Variants in XDH observed in about 807,000 individuals in gnomAD.
XDH encodes the protein xanthine dehydrogenase/oxidase.
A neutral mutation model predicts 156.1 loss-of-function variants in XDH; 138 were observed. The ratio of observed to expected loss-of-function variants is 0.88; its 90% confidence interval spans 0.77 to 1.02. The LOEUF (loss-of-function observed/expected upper bound fraction) is 1.02, where lower values mean the gene tolerates loss of function less well. XDH is among the 50% of genes least tolerant of loss of function. The pLI, the probability that XDH is intolerant of heterozygous loss-of-function variation, is 0.00. For missense variants in XDH, 1,849 were observed against 1,684.9 expected, an observed-to-expected ratio of 1.10 and a Z score of -1.71; for synonymous variants, 669 against 625.7, an observed-to-expected ratio of 1.07 and a Z score of -1.03.
intron 1 of XDH, among the ~76,000 whole-genome samples, chr2:31,409,058 T>C (rs1687273394): frequency 6.6e-6 from 1 of 152,164 alleles, no homozygotes; most frequent in African/African-American, 2.4e-5. Flanking sequence ...AAACTTCACA[T>C]GTTCTCACTG....
In XDH at chr2:31,342,015, G is replaced by A. The variant is rs45486398; in HGVS notation, c.3519+168C>T. Among the ~76,000 whole-genome samples the A allele has an allele frequency of 3.5e-3, 535 of 152,256 alleles. 3 individuals carry two copies. Among genetic ancestry groups the A allele is most frequent in the African/African-American group, 0.013 (520 of 41,558 alleles). ...CTGAGGCAGAGACTGTATGGCCCAC[G>A]AAGTCTAAAACACTTACTCTGTGGC... is the stretch of plus-strand genomic sequence containing the variant. On this transcript the variant is annotated intron_variant, in intron 32 of 35. Transcript: ENST00000379416.
chr2:31,356,771 A>G (rs1370625540), intron 24 of XDH, among the ~76,000 whole-genome samples: 3 of 152,228 alleles, frequency 2.0e-5, no homozygotes, highest in African/African-American at 7.2e-5. Context: ...CAACAGCAAA[A>G]TACACATTCT....
At chr2:31,368,318 T>C (rs1178166421) in intron 19 of XDH, among the ~76,000 whole-genome samples, 1 of 152,044 alleles carries the variant, frequency 6.6e-6, no homozygotes, top group Non-Finnish European at 1.5e-5. Context: ...GAGGTAAAAT[T>C]TTGAGAAGGA....
chr2:31,383,250 G>A (rs1262212583), intron 10 of XDH, 98 bp from the exon 11 acceptor site: 3 of 1,574,406 alleles, frequency 1.9e-6, no homozygotes, highest in East Asian at 2.3e-5. Flanking sequence ...CTGGAGCAAG[G>A]CTGAATCAGG....
chr2:31,350,619 C>T (rs192192172), intron 24 of XDH, among the ~76,000 whole-genome samples: 1 of 152,044 alleles, frequency 6.6e-6, no homozygotes, highest in Non-Finnish European at 1.5e-5. Flanking sequence ...CGTGATCCGC[C>T]CGCCTTGGCC....
intron 19 of XDH, 44 bp from the exon 20 acceptor site, chr2:31,368,101 G>C: frequency 6.4e-7 from 1 of 1,569,198 alleles, no homozygotes; most frequent in Non-Finnish European, 8.8e-7. Context: ...TTTTAGCAGG[G>C]AGGGAAAGAT....
chr2:31,379,443 C>T (rs1374005969), intron 13 of XDH, among the ~76,000 whole-genome samples: 1 of 152,216 alleles, frequency 6.6e-6, no homozygotes, highest in Non-Finnish European at 1.5e-5. Context: ...TCCTCGACAG[C>T]TAGATGTGTT....
At chr2:31,351,154 G>A (rs547373864) in intron 24 of XDH, among the ~76,000 whole-genome samples, 1 of 152,212 alleles carries the variant, frequency 6.6e-6, no homozygotes, top group South Asian at 2.1e-4. Context: ...CAGTATAGTT[G>A]TATTTTGATC....
intron 6 of XDH, among the ~76,000 whole-genome samples, chr2:31,397,035 A>G (rs145103998): frequency 6.6e-6 from 1 of 152,360 alleles, no homozygotes; most frequent in East Asian, 1.9e-4. Context: ...TGAGAAGTCA[A>G]GTAAAACCTG....
At chr2:31,410,691 C>T (rs1255685356) in intron 1 of XDH, among the ~76,000 whole-genome samples, 1 of 152,140 alleles carries the variant, frequency 6.6e-6, no homozygotes, top group Non-Finnish European at 1.5e-5. Context: ...AATGCAGACT[C>T]TGAATCTAAT....
intron 24 of XDH, among the ~76,000 whole-genome samples, chr2:31,363,230 T>G (rs1685824263): frequency 1.3e-5 from 2 of 152,314 alleles, no homozygotes; most frequent in African/African-American, 4.8e-5. Flanking sequence ...GAGAATCGCT[T>G]GAAGCTGGAG....
Position 31,401,405 on chromosome 2 carries a change from G to A in XDH, c.198-77C>T, listed in dbSNP as rs150170329. The A allele has an allele frequency of 9.5e-4, 1,428 of 1,499,228 alleles. 16 individuals carry two copies. In the African/African-American group the frequency reaches 0.018, roughly 19 times the overall value. 92.9% of individuals were successfully genotyped at this position (1,499,228 alleles called of 1,614,324 possible). On this transcript the variant is annotated intron_variant, in intron 3 of 35. Transcript: ENST00000379416. ...AATGGGCCTGACTGTGAGCTCTGGA[G>A]GACTTTGTGAGGCTTTATGTTACGT...
chr2:31,413,829 G>A (rs1004655531), intron 1 of XDH, among the ~76,000 whole-genome samples: 17 of 152,118 alleles, frequency 1.1e-4, no homozygotes, highest in African/African-American at 3.1e-4. Context: ...CAGCAGTGTT[G>A]TAGGAGGGCA....
intron 23 of XDH, among the ~76,000 whole-genome samples, 171 bp downstream of exon 23, chr2:31,365,286 C>T (rs757781565): frequency 6.6e-6 from 1 of 152,212 alleles, no homozygotes; most frequent in Non-Finnish European, 1.5e-5. Flanking sequence ...CTCAGCACTA[C>T]CTTTCTGTGT....
chr2:31,343,423 ATGT>A (rs968455397), intron 31 of XDH, among the ~76,000 whole-genome samples: 9 of 144,566 alleles, frequency 6.2e-5, no homozygotes, highest in African/African-American at 2.3e-4. Flanking sequence ...TGGCATAGAA[ATGT>A]TTTTTTGTGT....
Position 31,337,925 on chromosome 2 carries a change from G to A in XDH, c.3775-108C>T, listed in dbSNP as rs189595216. 5.6e-5 allele frequency: 70 copies of A among 1,250,426 alleles called. No individual in the cohort carries two copies. In the Admixed American group the frequency reaches 1.4e-3, roughly 26 times the overall value. The allele number at this position is 1,250,426 out of a possible 1,614,324, so 77.5% of individuals were successfully genotyped here. On this transcript the variant is annotated intron_variant, in intron 34 of 35. Transcript: ENST00000379416. The stretch of plus-strand genomic sequence containing the variant: ...AGCAAACTCTGCACGAGGAGGGCTG[G>A]TGGCACCAGGAAAGCACTGATGGGA...
At chr2:31,378,025 C>G (rs575358245) in intron 13 of XDH, among the ~76,000 whole-genome samples, 3 of 119,150 alleles carry the variant, frequency 2.5e-5, no homozygotes, top group East Asian at 5.0e-4. Context: ...GAATCTGTCT[C>G]AAAAAAAAAG....
At chr2:31,397,765 G>A in intron 5 of XDH, 36 bp from the exon 6 acceptor site, 1 of 1,613,538 alleles carries the variant, frequency 6.2e-7, no homozygotes, top group Non-Finnish European at 8.5e-7. Flanking sequence ...TGTCAGTGCA[G>A]GGCCCTGGGA....
At chr2:31,339,269 A>T (rs910910815) in intron 34 of XDH, among the ~76,000 whole-genome samples, 3 of 152,154 alleles carry the variant, frequency 2.0e-5, no homozygotes, top group African/African-American at 7.2e-5. Flanking sequence ...TGGGCTTCAG[A>T]CCATACTAAG....
Sources: gnomAD v4.1 joint callset for allele counts (sites outside exome capture counted in the v4.1 genomes callset) on GRCh38, gnomAD v4.1.1 for gene constraint, MANE v1.5 for transcripts, NCBI Gene and HGNC (gene_info 2026-07-23, HGNC 2026-07-21) for gene names.